SEMA6D: variants seen among roughly 807,000 people sequenced by gnomAD.
The protein encoded by SEMA6D is semaphorin-6D.
SEMA6D carries 35 observed loss-of-function variants against 106.6 expected under a neutral mutation model. That is an observed-to-expected ratio of 0.33 (90% CI 0.25 to 0.44). The LOEUF (loss-of-function observed/expected upper bound fraction) is 0.44. Ranked by LOEUF, SEMA6D falls within the 20% of genes least tolerant of loss-of-function variation. SEMA6D has a pLI of 1.00. For synonymous variants in SEMA6D, 499 were observed against 487.7 expected, an observed-to-expected ratio of 1.02 and a Z score of -0.31; for missense variants, 1,185 against 1,345.9, an observed-to-expected ratio of 0.88 and a Z score of 1.87.
At chr15:47,299,921 C>T (rs2035952854) in intron 1 of SEMA6D, among the ~76,000 whole-genome samples, 2 of 10,594 alleles carry the variant, frequency 1.9e-4, no homozygotes, top group Non-Finnish European at 4.5e-4. Context: ...AAAAACATGT[C>T]CATTAGTTAT....
intron 1 of SEMA6D, among the ~76,000 whole-genome samples, chr15:47,243,934 A>G (rs1050851223): frequency 1.3e-5 from 2 of 152,172 alleles, no homozygotes; most frequent in African/African-American, 4.8e-5. Flanking sequence ...ATTTGACAAC[A>G]GTCCTTGCAT....
chr15:47,650,490 A>T (rs1396459870), intron 4 of SEMA6D, among the ~76,000 whole-genome samples: 7 of 152,224 alleles, frequency 4.6e-5, no homozygotes, highest in Non-Finnish European at 5.9e-5. Flanking sequence ...TAGCAAAAAA[A>T]TTCTAGGCAT....
At position 47,599,390 on chromosome 15, in the gene SEMA6D, C is replaced by G. The variant is rs139069117; in HGVS notation, c.-86-1475C>G. On this transcript the variant is annotated intron_variant, in intron 3 of 19. Coordinates refer to the SEMA6D transcript ENST00000558014. ...ACTTTCCAGAAAGTAGTTTTACCAA[C>G]AAGTGAGGGAAGGGAGCAACAGAGG... Among the ~76,000 whole-genome samples, 49 of 151,090 alleles carry G rather than the reference C, an allele frequency of 3.2e-4. No individual in the cohort carries two copies. In the East Asian group the frequency reaches 9.1e-3, roughly 28 times the overall value.
At chr15:47,636,597 A>G (rs1297281214) in intron 4 of SEMA6D, among the ~76,000 whole-genome samples, 1 of 152,126 alleles carries the variant, frequency 6.6e-6, no homozygotes, top group East Asian at 1.9e-4. Flanking sequence ...ATTATCTTCT[A>G]GCCAATCCTC....
intron 1 of SEMA6D, chr15:47,399,564 T>G (rs1358563243): frequency 1.3e-5 from 2 of 152,210 alleles, no homozygotes; most frequent in African/African-American, 2.4e-5. Flanking sequence ...GGATTTGCTT[T>G]TGGTGGCTTA....
intron 4 of SEMA6D, among the ~76,000 whole-genome samples, chr15:47,678,680 C>G (rs2078291537): frequency 6.6e-6 from 1 of 152,054 alleles, no homozygotes; most frequent in African/African-American, 2.4e-5. Context: ...TTTCTATTCC[C>G]CTTTAGCCAT....
chr15:47,216,461 A>G (rs538382615), intron 1 of SEMA6D, among the ~76,000 whole-genome samples: 19 of 152,324 alleles, frequency 1.2e-4, no homozygotes, highest in Non-Finnish European at 2.1e-4. Flanking sequence ...AATATGCGTA[A>G]TAGCATAACC....
chr15:47,271,237 A>G (rs908816723), intron 1 of SEMA6D, among the ~76,000 whole-genome samples: 1 of 152,204 alleles, frequency 6.6e-6, no homozygotes, highest in African/African-American at 2.4e-5. Context: ...AATAGGGAAA[A>G]CATTAATTAA....
chr15:47,659,569 T>G (rs1186222140), intron 4 of SEMA6D, among the ~76,000 whole-genome samples: 1 of 152,000 alleles, frequency 6.6e-6, no homozygotes, highest in East Asian at 1.9e-4. Flanking sequence ...AAGTTCTTTG[T>G]AAACAAGAAA....
chr15:47,537,064 C>G (rs1280371957), intron 3 of SEMA6D, among the ~76,000 whole-genome samples: 1 of 152,064 alleles, frequency 6.6e-6, no homozygotes, highest in Non-Finnish European at 1.5e-5. Flanking sequence ...AAGAGTAGAG[C>G]CAGTGATTCT....
intron 1 of SEMA6D, among the ~76,000 whole-genome samples, chr15:47,410,066 C>T (rs1167652668): frequency 6.6e-6 from 1 of 152,162 alleles, no homozygotes; most frequent in Non-Finnish European, 1.5e-5. Context: ...CCTCAACCTC[C>T]TGGGCTCAGG....
chr15:47,210,550 G>A (rs908377430), intron 1 of SEMA6D, among the ~76,000 whole-genome samples: 3 of 151,748 alleles, frequency 2.0e-5, no homozygotes, highest in Non-Finnish European at 2.9e-5. Context: ...TGAGGTGGGC[G>A]GATCACGAGA....
intron 3 of SEMA6D, among the ~76,000 whole-genome samples, chr15:47,592,261 T>C (rs1251466889): frequency 6.6e-6 from 1 of 152,192 alleles, no homozygotes; most frequent in African/African-American, 2.4e-5. Flanking sequence ...AATTCAAACA[T>C]CTCATCTAAA....
At chr15:47,288,277 A>G (rs917991212) in intron 1 of SEMA6D, among the ~76,000 whole-genome samples, 3 of 152,256 alleles carry the variant, frequency 2.0e-5, no homozygotes, top group Non-Finnish European at 4.4e-5. Context: ...ATATGGCCCC[A>G]TGTCCCAAAC....
At chr15:47,190,037 T>C (rs963645913) in intron 1 of SEMA6D, among the ~76,000 whole-genome samples, 1 of 152,218 alleles carries the variant, frequency 6.6e-6, no homozygotes, top group African/African-American at 2.4e-5. Flanking sequence ...TAAATTCGCA[T>C]TGTGCAGCTC....
intron 1 of SEMA6D, among the ~76,000 whole-genome samples, chr15:47,225,281 G>C (rs1310678430): frequency 6.6e-6 from 1 of 151,974 alleles, no homozygotes; most frequent in Non-Finnish European, 1.5e-5. Flanking sequence ...ACCAATGAAT[G>C]AGAATTCCTG....
chr15:47,472,213 C>T (rs1279421016), intron 3 of SEMA6D, among the ~76,000 whole-genome samples: 1 of 152,144 alleles, frequency 6.6e-6, no homozygotes, highest in African/African-American at 2.4e-5. Flanking sequence ...TAGACACTAG[C>T]ATGGGCTCTA....
chr15:47,628,136 C>T (rs2077234021), intron 4 of SEMA6D, among the ~76,000 whole-genome samples: 1 of 151,658 alleles, frequency 6.6e-6, no homozygotes. Context: ...AACCATTCAC[C>T]CACTGAAAGA....
At chr15:47,693,356 A>C (rs1346138280) in intron 4 of SEMA6D, among the ~76,000 whole-genome samples, 1 of 152,188 alleles carries the variant, frequency 6.6e-6, no homozygotes, top group Non-Finnish European at 1.5e-5. Context: ...ACTGTGAGAC[A>C]GTAAGCTTCT....
Sources: allele counts gnomAD v4.1 joint callset (sites outside exome capture counted in the v4.1 genomes callset), GRCh38; gene constraint gnomAD v4.1.1; transcripts MANE v1.5; gene names NCBI Gene and HGNC (gene_info 2026-07-23, HGNC 2026-07-21).